The following UBE2E1 variants were observed in gnomAD, a reference collection of about 807,000 sequenced individuals.
The protein encoded by UBE2E1 is ubiquitin conjugating enzyme E2 E1.
In UBE2E1, 6 loss-of-function variants were observed where a neutral mutation model predicts 21.4. That is an observed-to-expected ratio of 0.28 (90% CI 0.15 to 0.55). The LOEUF (loss-of-function observed/expected upper bound fraction) is 0.55, where lower values mean the gene tolerates loss of function less well. UBE2E1 is among the 20% of genes least tolerant of loss of function. The pLI is 0.93. For missense variants in UBE2E1, 142 were observed against 236.5 expected (o/e 0.60, Z 2.62); for synonymous variants, 87 against 82.7 (o/e 1.05, Z -0.28).
intron 3 of UBE2E1, among the ~76,000 whole-genome samples, chr3:23,844,546 G>A (rs1700158006): frequency 6.6e-6 from 1 of 152,116 alleles, no homozygotes; most frequent in South Asian, 2.1e-4. Context: ...TTGGACCTCT[G>A]TAAGAATTAA....
At chr3:23,885,775 G>A (rs182307151) in intron 3 of UBE2E1, among the ~76,000 whole-genome samples, 3 of 152,236 alleles carry the variant, frequency 2.0e-5, no homozygotes, top group African/African-American at 4.8e-5. Flanking sequence ...CAAGAGAATC[G>A]CTTGAACCCG....
chr3:23,864,919 A>G (rs752754881), intron 3 of UBE2E1, among the ~76,000 whole-genome samples: 1 of 152,184 alleles, frequency 6.6e-6, no homozygotes, highest in Non-Finnish European at 1.5e-5. Flanking sequence ...TCAGTACAGC[A>G]CCTCTGCCCT....
chr3:23,885,236 C>A (rs980866760), intron 3 of UBE2E1, among the ~76,000 whole-genome samples: 1 of 152,146 alleles, frequency 6.6e-6, no homozygotes, highest in Admixed American at 6.5e-5. Flanking sequence ...ATGAGGATTT[C>A]TACCCCCTAA....
intron 2 of UBE2E1, among the ~76,000 whole-genome samples, chr3:23,809,375 T>C (rs962774927): frequency 1.3e-5 from 2 of 152,126 alleles, no homozygotes; most frequent in Admixed American, 1.3e-4. Flanking sequence ...GTGTTGCCCA[T>C]AGAATTGGAA....
chr3:23,813,527 ATTAT>A (rs60343039), intron 3 of UBE2E1, among the ~76,000 whole-genome samples: 7 of 151,826 alleles, frequency 4.6e-5, no homozygotes, highest in Non-Finnish European at 7.4e-5. Context: ...ATAAAGATGG[ATTAT>A]TTATTTATTT....
intron 3 of UBE2E1, among the ~76,000 whole-genome samples, chr3:23,868,731 T>A (rs1700711489): frequency 6.6e-6 from 1 of 152,110 alleles, no homozygotes; most frequent in South Asian, 2.1e-4. Context: ...TTTTTTTTTT[T>A]TAATCTCAAT....
chr3:23,875,909 A>T (rs1398543851), intron 3 of UBE2E1, among the ~76,000 whole-genome samples: 1 of 152,166 alleles, frequency 6.6e-6, no homozygotes, highest in Admixed American at 6.5e-5. Context: ...AGTAGCTGGG[A>T]TTACAGGCGC....
chr3:23,874,439 C>A (rs1575033519), intron 3 of UBE2E1, among the ~76,000 whole-genome samples: 1 of 152,112 alleles, frequency 6.6e-6, no homozygotes, highest in East Asian at 1.9e-4. Context: ...TCAGTTGTGC[C>A]CTGTGAACTG....
intron 3 of UBE2E1, among the ~76,000 whole-genome samples, chr3:23,825,399 G>A (rs571590002): frequency 1.4e-4 from 22 of 152,284 alleles, no homozygotes; most frequent in South Asian, 4.1e-4. Context: ...TTAGTCATTC[G>A]TTCTGATATT....
intron 3 of UBE2E1, among the ~76,000 whole-genome samples, chr3:23,867,605 C>G (rs530811638): frequency 6.6e-6 from 1 of 152,274 alleles, no homozygotes; most frequent in South Asian, 2.1e-4. Context: ...TGTGTGGGCT[C>G]TCCGGTCCCC....
At chr3:23,879,887 G>C (rs1700998654) in intron 3 of UBE2E1, among the ~76,000 whole-genome samples, 1 of 152,220 alleles carries the variant, frequency 6.6e-6, no homozygotes, top group African/African-American at 2.4e-5. Context: ...TTATGTGTTT[G>C]TAGGCAAGGG....
chr3:23,855,696 G>T (rs987718924), intron 3 of UBE2E1, among the ~76,000 whole-genome samples: 1 of 152,010 alleles, frequency 6.6e-6, no homozygotes, highest in Non-Finnish European at 1.5e-5. Flanking sequence ...TGGGCGTGGT[G>T]GTGGGCGCCT....
At chr3:23,820,863 G>A (rs934367269) in intron 3 of UBE2E1, among the ~76,000 whole-genome samples, 3 of 152,196 alleles carry the variant, frequency 2.0e-5, no homozygotes, top group Admixed American at 6.5e-5. Flanking sequence ...TGGAAAATTG[G>A]TGTGGGATGG....
In UBE2E1 at chr3:23,807,512, C is replaced by T; in HGVS notation, c.152+91C>T. On this transcript the variant is annotated intron_variant, in intron 2 of 5. Coordinates refer to ENST00000306627, the MANE Select transcript of UBE2E1 (RefSeq NM_003341.5). ...TGCCTCCCAATGAGGATAGCTTAAA[C>T]GCTCCTCATGGTTTATGTGTTCTTA... 7 of 1,500,172 alleles carry T rather than the reference C, an allele frequency of 4.7e-6. No individual in the cohort carries two copies. The South Asian group carries it at 6.7e-5, about 14-fold the overall frequency. The allele number at this position is 1,500,172 out of a possible 1,614,324, so 92.9% of individuals were successfully genotyped here.
rs189118202 is a variant in UBE2E1, at chr3:23,869,290, T to G, written c.204-18277T>G. 2.4e-3 allele frequency among the ~76,000 whole-genome samples: 367 copies of G among 152,062 alleles called. 1 individual carries two copies. The highest frequency in any genetic ancestry group is 0.021 in the Middle Eastern group (6 of 292). On this transcript the variant is annotated intron_variant, in intron 3 of 5. Coordinates refer to ENST00000306627, the MANE Select transcript of UBE2E1 (RefSeq NM_003341.5). ...ATTATTATTTAAATTAGTCAAGATA[T>G]TAGCCCTTAATCATGAACTGAAAAT...
Position 23,890,621 on chromosome 3 carries a change from AT to A in UBE2E1, c.*17del, listed in dbSNP as rs537947580. Reference sequence around the variant, plus strand: ...ACGCTACATAAATTGGGGTTTCACAATTCTTACATTATTTGTCTGTCACAGA... The same window carrying A: ...ACGCTACATAAATTGGGGTTTCACAATCTTACATTATTTGTCTGTCACAGA... On this transcript the variant is annotated 3_prime_UTR_variant, in exon 6 of 6. Transcript: ENST00000306627. 1.4e-4 allele frequency: 220 copies of A among 1,571,680 alleles called. 1 individual carries two copies. The African/African-American group carries it at 2.8e-3, about 20-fold the overall frequency.
At chr3:23,884,573 G>T (rs372892483) in intron 3 of UBE2E1, among the ~76,000 whole-genome samples, 10 of 152,204 alleles carry the variant, frequency 6.6e-5, no homozygotes, top group African/African-American at 2.4e-4. Context: ...TCTGCATGTA[G>T]TGACATACTG....
chr3:23,850,787 C>T (rs1700306034), intron 3 of UBE2E1, among the ~76,000 whole-genome samples: 2 of 150,214 alleles, frequency 1.3e-5, no homozygotes, highest in East Asian at 1.9e-4. Context: ...AGTCCTCCCA[C>T]CTCAGCCTCT....
At chr3:23,818,869 G>A (rs571319276) in intron 3 of UBE2E1, among the ~76,000 whole-genome samples, 2 of 152,278 alleles carry the variant, frequency 1.3e-5, no homozygotes, top group Admixed American at 1.3e-4. Context: ...AAGCCACAAG[G>A]TTGCAAAAGT....
Sources: allele counts gnomAD v4.1 joint callset (sites outside exome capture counted in the v4.1 genomes callset), GRCh38; gene constraint gnomAD v4.1.1; transcripts MANE v1.5; gene names NCBI Gene and HGNC (gene_info 2026-07-23, HGNC 2026-07-21).